The following JMJD1C variants were observed in gnomAD, a reference collection of about 807,000 sequenced individuals.
The protein encoded by JMJD1C is jumonji domain-containing protein 1C.
In JMJD1C, 31 loss-of-function variants were observed where a neutral mutation model predicts 245.3. The ratio of observed to expected loss-of-function variants is 0.13; its 90% CI spans 0.09 to 0.17. JMJD1C has a LOEUF of 0.17. JMJD1C is among the 10% of genes least tolerant of loss of function. The pLI is 1.00. For synonymous variants in JMJD1C, 1,057 were observed against 1,017.4 expected (o/e 1.04, Z -0.74); for missense variants, 2,691 against 3,000.2 (o/e 0.90, Z 2.41).
intron 1 of JMJD1C, among the ~76,000 whole-genome samples, chr10:63,515,675 A>C (rs1358591546): frequency 6.6e-6 from 1 of 152,194 alleles, no homozygotes; most frequent in Non-Finnish European, 1.5e-5. Context: ...TTATCTGAGG[A>C]ATCTAAGAAG....
At chr10:63,517,713 G>C (rs985253842) in intron 1 of JMJD1C, among the ~76,000 whole-genome samples, 3 of 151,478 alleles carry the variant, frequency 2.0e-5, no homozygotes, top group Non-Finnish European at 4.4e-5. Context: ...CTAGGCAGAA[G>C]GTACTATATT....
chr10:63,194,432 A>T, intron 13 of JMJD1C, 57 bp from the exon 14 acceptor site: 1 of 1,163,880 alleles, frequency 8.6e-7, no homozygotes, highest in Non-Finnish European at 1.3e-6. Flanking sequence ...ATAAATTGAT[A>T]GTGTAAAGAA....
At chr10:63,429,655 T>G (rs1327655690) in intron 1 of JMJD1C, among the ~76,000 whole-genome samples, 2 of 152,188 alleles carry the variant, frequency 1.3e-5, no homozygotes, top group African/African-American at 4.8e-5. Context: ...CTAAAACATT[T>G]GCCAGTTGAG....
At chr10:63,389,161 T>C (rs576853412) in intron 1 of JMJD1C, among the ~76,000 whole-genome samples, 2 of 151,616 alleles carry the variant, frequency 1.3e-5, no homozygotes, top group Non-Finnish European at 2.9e-5. Context: ...CTATCTCTAC[T>C]AAAAATACAA....
chr10:63,167,873 G>A lies in JMJD1C; in HGVS notation c.*172C>T. On this transcript the variant is annotated 3_prime_UTR_variant, in exon 26 of 26. Transcript: ENST00000399262. The stretch of plus-strand genomic sequence containing the variant: ...GCTTGTTTTATAACATTGAATCACA[G>A]GAGCTGTGACATATGCTATACTGCT... The A allele has an allele frequency of 1.9e-6, 1 of 518,696 alleles. No homozygotes were observed. The highest frequency in any genetic ancestry group is 3.4e-6 in the Non-Finnish European group (1 of 290,284). 32.1% of individuals were successfully genotyped at this position (518,696 alleles called of 1,614,324 possible). A position where few individuals can be genotyped will look rare whatever the true frequency, so the allele number is the denominator to read the frequency against.
chr10:63,280,882 A>G (rs1170892233), intron 2 of JMJD1C, among the ~76,000 whole-genome samples: 2 of 152,174 alleles, frequency 1.3e-5, no homozygotes, highest in Admixed American at 1.3e-4. Context: ...TAAACCAAGT[A>G]GGCTGTCCCG....
At chr10:63,506,531 G>A (rs1954722428) in intron 1 of JMJD1C, among the ~76,000 whole-genome samples, 2 of 152,170 alleles carry the variant, frequency 1.3e-5, no homozygotes, top group Admixed American at 6.5e-5. Context: ...TGGCCACCTG[G>A]AAAAGCCTAG....
intron 2 of JMJD1C, among the ~76,000 whole-genome samples, chr10:63,312,040 C>A (rs1377016970): frequency 6.7e-6 from 1 of 149,122 alleles, no homozygotes; most frequent in Admixed American, 6.7e-5. Flanking sequence ...AAACAAAATT[C>A]TTCATAGTAA....
At chr10:63,298,680 A>G (rs752407608) in intron 2 of JMJD1C, among the ~76,000 whole-genome samples, 1 of 152,192 alleles carries the variant, frequency 6.6e-6, no homozygotes, top group Non-Finnish European at 1.5e-5. Flanking sequence ...AACCCGTAAC[A>G]TATCTATTTA....
chr10:63,461,483 A>C (rs1053766468), intron 1 of JMJD1C, among the ~76,000 whole-genome samples: 1 of 152,186 alleles, frequency 6.6e-6, no homozygotes, highest in African/African-American at 2.4e-5. Flanking sequence ...GTGTAGACCC[A>C]AAAACAAAAA....
intron 3 of JMJD1C, among the ~76,000 whole-genome samples, chr10:63,224,149 G>A (rs1007975155): frequency 3.9e-5 from 6 of 152,154 alleles, no homozygotes; most frequent in African/African-American, 1.4e-4. Context: ...ATTATCTAGC[G>A]GAAATAGCAT....
At chr10:63,295,938 C>CATATATATAT (rs10653796) in intron 2 of JMJD1C, among the ~76,000 whole-genome samples, 34,803 of 114,244 alleles carry the variant, frequency 0.3, 6,670 homozygotes, top group South Asian at 0.43. Flanking sequence ...CATGTGTATA[C>CATATATATAT]ATATATATAT....
At chr10:63,276,151 T>C (rs1003830174) in intron 2 of JMJD1C, among the ~76,000 whole-genome samples, 1 of 152,068 alleles carries the variant, frequency 6.6e-6, no homozygotes, top group Non-Finnish European at 1.5e-5. Flanking sequence ...AAAAAAATCA[T>C]GGCATTGCCA....
rs1564619004 is a variant in JMJD1C at position 63,213,685 on chromosome 10, G to A, written c.2482C>T (p.Leu828=). The change falls in exon 8 of 26, where the codon CTA becomes TTA. Residue 828 remains leucine, a synonymous_variant. Transcript: ENST00000399262. The part of the protein sequence containing the change: ...AHASSLSHLA[L]AHQQQQQLLQ... ...AACTGTTGTTGTTGCTGGTGTGCTA[G>A]CGCTAAGTGGCTCAAGCTGCTGGCA... is the stretch of plus-strand genomic sequence containing the variant. 2 of 1,614,204 alleles carry A rather than the reference G, an allele frequency of 1.2e-6. No homozygotes were observed. The highest frequency in any genetic ancestry group is 4.5e-5 in the East Asian group (2 of 44,882).
intron 1 of JMJD1C, among the ~76,000 whole-genome samples, chr10:63,409,207 G>A (rs548538957): frequency 1.8e-4 from 28 of 152,220 alleles, no homozygotes; most frequent in Admixed American, 2.0e-4. Context: ...CAAACCACTC[G>A]TAATTGACAT....
At chr10:63,261,797 A>G (rs1393409112) in intron 3 of JMJD1C, among the ~76,000 whole-genome samples, 2 of 152,246 alleles carry the variant, frequency 1.3e-5, no homozygotes, top group Non-Finnish European at 2.9e-5. Flanking sequence ...GAAACTAAAG[A>G]AAAACATACT....
intron 3 of JMJD1C, chr10:63,222,142 C>A: frequency 1.4e-6 from 1 of 718,726 alleles, no homozygotes. Context: ...AGGGAGGTCC[C>A]CCATCTGCAG....
chr10:63,461,895 G>A (rs1332581683), intron 1 of JMJD1C, among the ~76,000 whole-genome samples: 1 of 152,108 alleles, frequency 6.6e-6, no homozygotes, highest in African/African-American at 2.4e-5. Context: ...CAAGAGGAGA[G>A]TAAATTGATG....
intron 2 of JMJD1C, among the ~76,000 whole-genome samples, chr10:63,326,227 G>A (rs111445197): frequency 2.6e-4 from 39 of 152,134 alleles, no homozygotes; most frequent in African/African-American, 9.4e-4. Context: ...AGACGCGGTG[G>A]CTCACGCCTG....
Sources: allele counts gnomAD v4.1 joint callset (sites outside exome capture counted in the v4.1 genomes callset), GRCh38; gene constraint gnomAD v4.1.1; transcripts MANE v1.5; gene names NCBI Gene and HGNC (gene_info 2026-07-23, HGNC 2026-07-21).